The following CEP83 variants were observed in gnomAD, a reference collection of about 807,000 sequenced individuals.
CEP83 encodes the protein centrosomal protein of 83 kDa.
In CEP83, 70 loss-of-function variants were observed where a neutral mutation model predicts 101.9. That is an observed-to-expected ratio of 0.69 (90% CI 0.57 to 0.84). The LOEUF (loss-of-function observed/expected upper bound fraction) is 0.84, where lower values mean the gene tolerates loss of function less well. CEP83 is among the 40% of genes least tolerant of loss of function. CEP83 has a pLI of 0.00. For synonymous variants in CEP83, 264 were observed against 267.9 expected (o/e 0.99, Z 0.14); for missense variants, 715 against 787.2 (o/e 0.91, Z 1.10).
chr12:94,435,583 C>T (rs2065926761), intron 1 of CEP83, among the ~76,000 whole-genome samples: 1 of 152,164 alleles, frequency 6.6e-6, no homozygotes, highest in African/African-American at 2.4e-5. Flanking sequence ...CTGAGAAACC[C>T]CAGTACTTAT....
intron 2 of CEP83, chr12:94,424,735 T>C: frequency 6.2e-7 from 1 of 1,611,146 alleles, no homozygotes; most frequent in Non-Finnish European, 8.5e-7. Flanking sequence ...TCTTGCCATA[T>C]GGCTGACACA....
At chr12:94,403,481 T>C (rs1376772623) in intron 4 of CEP83, among the ~76,000 whole-genome samples, 1 of 152,162 alleles carries the variant, frequency 6.6e-6, no homozygotes, top group Non-Finnish European at 1.5e-5. Context: ...TCCATTAACA[T>C]GAAGTAAAGA....
At chr12:94,385,250 C>T (rs2062071808) in intron 6 of CEP83, among the ~76,000 whole-genome samples, 1 of 152,136 alleles carries the variant, frequency 6.6e-6, no homozygotes, top group Non-Finnish European at 1.5e-5. Context: ...TTTATTATTG[C>T]TCCTCATGTT....
intron 4 of CEP83, among the ~76,000 whole-genome samples, chr12:94,410,971 G>T (rs1428409990): frequency 6.6e-6 from 1 of 152,082 alleles, no homozygotes; most frequent in East Asian, 1.9e-4. Context: ...CTTACTCTAT[G>T]AACTTCTGAC....
intron 11 of CEP83, among the ~76,000 whole-genome samples, chr12:94,357,686 G>A (rs1276025214): frequency 6.6e-6 from 1 of 152,204 alleles, no homozygotes; most frequent in African/African-American, 2.4e-5. Context: ...GTCCCAACAG[G>A]AGTCTGTGGA....
intron 13 of CEP83, among the ~76,000 whole-genome samples, chr12:94,333,146 A>G (rs2059307619): frequency 6.6e-6 from 1 of 152,028 alleles, no homozygotes; most frequent in Admixed American, 6.5e-5. Context: ...AACAAAACAA[A>G]AAACCCATTC....
At chr12:94,350,251 T>C (rs948519571) in intron 11 of CEP83, among the ~76,000 whole-genome samples, 1 of 152,180 alleles carries the variant, frequency 6.6e-6, no homozygotes, top group South Asian at 2.1e-4. Flanking sequence ...TGCAAAGTTA[T>C]AATAATCAAA....
intron 16 of CEP83, among the ~76,000 whole-genome samples, chr12:94,309,398 GC>G (rs1174683816): frequency 6.6e-6 from 1 of 152,036 alleles, no homozygotes; most frequent in Non-Finnish European, 1.5e-5. Flanking sequence ...AATAGAAAGA[GC>G]CCGGGTTTTG....
the CEP83 span, among the ~76,000 whole-genome samples, chr12:94,275,635 C>T: frequency 2.3e-5 from 2 of 86,752 alleles, 1 homozygote; most frequent in Non-Finnish European, 4.7e-5. Flanking sequence ...GGGCGGATCA[C>T]GAGGTCAGGA....
chr12:94,390,856 C>A (rs566717907), intron 6 of CEP83, among the ~76,000 whole-genome samples: 7 of 152,152 alleles, frequency 4.6e-5, no homozygotes, highest in African/African-American at 1.7e-4. Context: ...CTGATTCAAT[C>A]AAGTGGAAGA....
chr12:94,316,298 A>G (rs985964458), intron 14 of CEP83, among the ~76,000 whole-genome samples: 3 of 152,172 alleles, frequency 2.0e-5, no homozygotes, highest in Non-Finnish European at 4.4e-5. Context: ...TGTAAAGAAA[A>G]ATAACTAGTA....
At chr12:94,284,347 AAGTT>A in the CEP83 span, among the ~76,000 whole-genome samples, 179 of 152,194 alleles carry the variant, frequency 1.2e-3, no homozygotes, top group African/African-American at 4.2e-3. Flanking sequence ...GTTCCTCCCA[AAGTT>A]AGTTCAGTCT....
chr12:94,331,184 G>A (rs1307152489), intron 14 of CEP83, among the ~76,000 whole-genome samples: 4 of 146,792 alleles, frequency 2.7e-5, no homozygotes, highest in African/African-American at 7.5e-5. Context: ...CCAGCTACTC[G>A]AAAGGCTGAG....
the CEP83 span, among the ~76,000 whole-genome samples, chr12:94,275,535 G>A: frequency 6.6e-6 from 1 of 152,204 alleles, no homozygotes; most frequent in Non-Finnish European, 1.5e-5. Context: ...GACCCCAAGG[G>A]CCTTGACTGT....
rs1462566860 is a variant in CEP83, at chr12:94,412,654, G to GTTACATATTT, written c.-101-73_-101-64dup. The stretch of plus-strand genomic sequence containing the variant: ...TCAGTAAACGTAAGCCTCCTTTAAT[G>GTTACATATTT]TTACATATTTTTATCACTTTTATTA... On this transcript the variant is annotated intron_variant, in intron 2 of 16. Transcript: ENST00000397809. 14 of 423,586 alleles carry GTTACATATTT rather than the reference G, an allele frequency of 3.3e-5. No homozygotes were observed. The East Asian group carries it at 5.9e-4, about 18-fold the overall frequency. The allele number at this position is 423,586 out of a possible 1,614,324, so 26.2% of individuals were successfully genotyped here.
At chr12:94,430,340 C>G (rs1035313620) in intron 2 of CEP83, among the ~76,000 whole-genome samples, 1 of 150,970 alleles carries the variant, frequency 6.6e-6, no homozygotes, top group African/African-American at 2.4e-5. Flanking sequence ...CAGTGAGATA[C>G]AAGAGAATAC....
intron 11 of CEP83, among the ~76,000 whole-genome samples, chr12:94,337,556 A>T (rs185601465): frequency 2.4e-4 from 37 of 152,336 alleles, no homozygotes; most frequent in Admixed American, 6.5e-4. Flanking sequence ...ATTTAGGAGT[A>T]AAGTACAGTA....
chr12:94,457,361 C>T (rs1465182853), intron 1 of CEP83, among the ~76,000 whole-genome samples: 1 of 152,072 alleles, frequency 6.6e-6, no homozygotes, highest in East Asian at 1.9e-4. Context: ...ATATGTATGA[C>T]AAAATTAAAA....
chr12:94,435,466 G>A (rs1179277577), intron 1 of CEP83, 139 bp from the exon 2 acceptor site: 1 of 152,288 alleles, frequency 6.6e-6, no homozygotes, highest in Non-Finnish European at 1.5e-5. Context: ...CAGAGAGACA[G>A]ACCCTTTGAA....
Sources: gnomAD v4.1 joint callset for allele counts (sites outside exome capture counted in the v4.1 genomes callset) on GRCh38, gnomAD v4.1.1 for gene constraint, MANE v1.5 for transcripts, NCBI Gene and HGNC (gene_info 2026-07-23, HGNC 2026-07-21) for gene names.